HERC5: variants seen among roughly 807,000 people sequenced by gnomAD.
The protein encoded by HERC5 is E3 ISG15--protein ligase HERC5.
In HERC5, 99 loss-of-function variants were observed where a neutral mutation model predicts 119.6. The observed-to-expected ratio is 0.83, with a 90% CI of 0.70 to 0.98. HERC5 has a LOEUF of 0.98. Among genes scored for constraint, HERC5 ranks in the 50% least tolerant of loss-of-function variants. The pLI is 0.00. For missense variants in HERC5, 1,267 were observed against 1,241.3 expected (o/e 1.02, Z -0.31); for synonymous variants, 478 against 445.9 (o/e 1.07, Z -0.91).
At chr4:88,505,583 G>A in intron 22 of HERC5, 90 bp from the exon 23 acceptor site, 2 of 729,738 alleles carry the variant, frequency 2.7e-6, no homozygotes, top group Non-Finnish European at 4.6e-6. Context: ...GGGCTCCAGT[G>A]AAGTTTTGTG....
At chr4:88,461,462 G>A (rs1035667549) in intron 3 of HERC5, among the ~76,000 whole-genome samples, 2 of 152,194 alleles carry the variant, frequency 1.3e-5, no homozygotes, top group Non-Finnish European at 2.9e-5. Flanking sequence ...ACAGGTGCAT[G>A]AAAATTGTGT....
Position 88,476,027 on chromosome 4 carries a change from C to A in HERC5, c.1579C>A (p.Leu527Met). 6.2e-7 allele frequency: 1 copy of A among 1,611,156 alleles called. No individual in the cohort carries two copies. Among genetic ancestry groups the A allele is most frequent in the Non-Finnish European group, 8.5e-7 (1 of 1,178,434 alleles). ...CKMSDQSSLV[L>M]EEYWATLQES... ...AATGAGTGACCAGTCTTCACTGGTT[C>A]TGGGTAAGTTTGATCATTTGAAGAT... is the stretch of plus-strand genomic sequence containing the variant. The change falls in exon 12 of 23, where the codon CTG (leucine) becomes ATG (methionine). Residue 527 changes from leucine to methionine, a missense_variant. By Grantham distance (15) the Leu-to-Met change is conservative (BLOSUM62 2). Around this residue, in one of 3 missense-constraint regions of HERC5, gnomAD observed 777 missense variants for 758.0 expected, o/e 1.03. Coordinates refer to ENST00000264350, the MANE Select transcript of HERC5 (RefSeq NM_016323.4).
rs751643701 is a variant in HERC5, at chr4:88,504,455, T to C, written c.2766+40T>C. On this transcript the variant is annotated intron_variant, in intron 21 of 22. Coordinates refer to ENST00000264350, the MANE Select transcript of HERC5 (RefSeq NM_016323.4). The stretch of plus-strand genomic sequence containing the variant: ...CTAAGTTGATTAAATTCAGTTTTCC[T>C]TCCTATTTCCTCAATAACTTTTTTT... 3.2e-6 allele frequency: 5 copies of C among 1,566,212 alleles called. No homozygotes were observed. In the South Asian group the frequency reaches 5.9e-5, roughly 19 times the overall value.
In HERC5 at chr4:88,499,949, A is replaced by G; in HGVS notation, c.2468A>G (p.Asp823Gly). Residue 823 changes from aspartate to glycine, a missense_variant, in exon 19 of 23, where the codon GAT becomes GGT. This residue lies in a region of HERC5 where 473 missense variants were observed against 445.7 expected (regional missense o/e 1.06). Transcript: ENST00000264350. The stretch of plus-strand genomic sequence containing the variant: ...AGGAATTTGCAAACACTTCTGGATG[A>G]TGAAGGTGATAACTTTGAGGAAGTA... ...LGKNLQTLLD[D>G]EGDNFEEVFY... is the part of the protein sequence containing the mutation. 6.2e-7 allele frequency: 1 copy of G among 1,608,934 alleles called. No individual in the cohort carries two copies. The highest frequency in any genetic ancestry group is 8.5e-7 in the Non-Finnish European group (1 of 1,175,612).
At chr4:88,491,179 A>G (rs1265594600) in intron 16 of HERC5, among the ~76,000 whole-genome samples, 1 of 152,190 alleles carries the variant, frequency 6.6e-6, no homozygotes, top group African/African-American at 2.4e-5. Flanking sequence ...TGGTCTTGCT[A>G]CAAAGATTTT....
chr4:88,462,052 A>T, intron 3 of HERC5, 83 bp from the exon 4 acceptor site: 1 of 1,091,544 alleles, frequency 9.2e-7, no homozygotes, highest in African/African-American at 1.6e-5. Context: ...ATATTATACT[A>T]GGTAGAGCAT....
chr4:88,492,788 C>G (rs1480537487), intron 16 of HERC5, among the ~76,000 whole-genome samples: 1 of 151,994 alleles, frequency 6.6e-6, no homozygotes, highest in African/African-American at 2.4e-5. Context: ...CACCACCTGA[C>G]TATTGTATAA....
intron 12 of HERC5, among the ~76,000 whole-genome samples, chr4:88,478,440 G>A (rs1321810319): frequency 2.0e-5 from 3 of 151,988 alleles, no homozygotes; most frequent in African/African-American, 7.3e-5. Context: ...GTGGATGGGG[G>A]TGGAAAGGAA....
intron 13 of HERC5, among the ~76,000 whole-genome samples, chr4:88,484,999 A>G (rs561984182): frequency 6.6e-6 from 1 of 151,862 alleles, no homozygotes; most frequent in Non-Finnish European, 1.5e-5. Flanking sequence ...AATCTGCCAT[A>G]CTATTGAAAA....
chr4:88,462,047 A>G, intron 3 of HERC5, 88 bp from the exon 4 acceptor site: 7 of 1,051,184 alleles, frequency 6.7e-6, no homozygotes, highest in Non-Finnish European at 1.0e-5. Context: ...TTGTGATATT[A>G]TACTAGGTAG....
intron 12 of HERC5, among the ~76,000 whole-genome samples, 193 bp from the exon 13 acceptor site, chr4:88,479,160 C>T (rs1741183988): frequency 3.3e-5 from 5 of 151,778 alleles, no homozygotes; most frequent in Admixed American, 3.3e-4. Context: ...TGGTAGGCGC[C>T]TGTAATTCCA....
chr4:88,493,059 A>G lies in HERC5; in HGVS notation c.2181A>G (p.Lys727=), dbSNP rs536508759. The G allele has an allele frequency of 6.2e-7, 1 of 1,614,042 alleles. No homozygotes were observed. Among genetic ancestry groups the G allele is most frequent in the South Asian group, 1.1e-5 (1 of 91,062 alleles). ...EIGYDLGGVK[K]EFFYCLFAEM... is the part of the protein sequence containing the mutation. ...GGTATGACCTCGGAGGAGTCAAGAA[A>G]GAGTTCTTCTACTGTCTGTTTGCAG... is the stretch of plus-strand genomic sequence containing the variant. The change falls in exon 17 of 23, where the codon AAA becomes AAG. Residue 727 remains lysine, a synonymous_variant. Coordinates refer to ENST00000264350, the MANE Select transcript of HERC5 (RefSeq NM_016323.4).
intron 17 of HERC5, 113 bp downstream of exon 17, chr4:88,493,268 A>G: frequency 1.2e-6 from 1 of 861,100 alleles, no homozygotes; most frequent in South Asian, 2.2e-5. Context: ...TATTGATATA[A>G]TTATGGAGAT....
At chr4:88,479,316 C>G (rs752653353) in intron 12 of HERC5, 37 bp from the exon 13 acceptor site, 1 of 1,373,640 alleles carries the variant, frequency 7.3e-7, no homozygotes, top group East Asian at 2.4e-5. Flanking sequence ...CAATAAAACT[C>G]ATTTTTTAAA....
At chr4:88,462,558 G>C (rs550551626) in intron 4 of HERC5, among the ~76,000 whole-genome samples, 1 of 152,146 alleles carries the variant, frequency 6.6e-6, no homozygotes, top group African/African-American at 2.4e-5. Flanking sequence ...CATGTTTCAG[G>C]GCTGTGTGTG....
At chr4:88,496,681 A>G (rs901358473) in intron 18 of HERC5, among the ~76,000 whole-genome samples, 7 of 152,258 alleles carry the variant, frequency 4.6e-5, no homozygotes, top group Non-Finnish European at 1.0e-4. Context: ...TGCAAAAATC[A>G]TGAAAATACA....
intron 13 of HERC5, among the ~76,000 whole-genome samples, chr4:88,480,216 G>A (rs1472172255): frequency 1.3e-5 from 2 of 152,038 alleles, no homozygotes; most frequent in East Asian, 3.9e-4. Context: ...AGAACTATAT[G>A]TATGTATTTC....
intron 12 of HERC5, among the ~76,000 whole-genome samples, chr4:88,478,801 C>T (rs564382620): frequency 2.2e-4 from 33 of 151,956 alleles, no homozygotes; most frequent in East Asian, 7.8e-4. Flanking sequence ...TGGTAGAGAC[C>T]GAGTTTCTCT....
In HERC5 at chr4:88,504,322, G is replaced by A; in HGVS notation, c.2673G>A (p.Met891Ile). Residue 891 changes from methionine to isoleucine, a missense_variant, in exon 21 of 23, where the codon ATG (methionine) becomes ATA (isoleucine). This residue lies in a region of HERC5 where 473 missense variants were observed against 445.7 expected (regional missense o/e 1.06). Transcript: ENST00000264350. ...AATTTCGGAGAGGATTTTATAAAAT[G>A]TGCGACGAAGACATTATCAAATTAT... ...YEEFRRGFYK[M>I]CDEDIIKLFH... 3 of 1,613,224 alleles carry A rather than the reference G, an allele frequency of 1.9e-6. No homozygotes were observed. Among genetic ancestry groups the A allele is most frequent in the African/African-American group, 1.3e-5 (1 of 75,034 alleles).
Sources: gnomAD v4.1 joint callset for allele counts (sites outside exome capture counted in the v4.1 genomes callset) on GRCh38, gnomAD v4.1.1 for gene constraint, gnomAD v4.1.1 regional missense constraint, MANE v1.5 for transcripts, NCBI Gene and HGNC (gene_info 2026-07-23, HGNC 2026-07-21) for gene names.